BCL2L1: variants seen among roughly 807,000 people sequenced by gnomAD.
The protein encoded by BCL2L1 is BCL2 like 1, also known as bcl-2-like protein 1.
A neutral mutation model predicts 18.7 loss-of-function variants in BCL2L1; 1 was observed. That is an observed-to-expected ratio of 0.05 (90% CI 0.02 to 0.25). BCL2L1 has a LOEUF of 0.25. Among genes scored for constraint, BCL2L1 ranks in the 10% least tolerant of loss-of-function variants. The pLI, the probability that BCL2L1 is intolerant of heterozygous loss-of-function variation, is 1.00. For missense variants in BCL2L1, 207 were observed against 304.9 expected, an observed-to-expected ratio of 0.68 and a Z score of 2.39; for synonymous variants, 103 against 122.7, an observed-to-expected ratio of 0.84 and a Z score of 1.06.
intron 2 of BCL2L1, among the ~76,000 whole-genome samples, chr20:31,681,574 G>A (rs978029444): frequency 6.6e-6 from 1 of 152,216 alleles, no homozygotes; most frequent in African/African-American, 2.4e-5. Context: ...CCAGGAGGCT[G>A]AGGCTGCAGT....
chr20:31,721,459 G>C (rs1600325578), intron 2 of BCL2L1, 196 bp downstream of exon 2: 5 of 390,438 alleles, frequency 1.3e-5, no homozygotes, highest in Non-Finnish European at 2.1e-5. Context: ...AAAGATGCCT[G>C]ATCTCTGAAG....
At chr20:31,667,032 G>T (rs1465814117) in intron 2 of BCL2L1, among the ~76,000 whole-genome samples, 12 of 152,174 alleles carry the variant, frequency 7.9e-5, no homozygotes, top group Admixed American at 7.9e-4. Context: ...TGCAATGCAG[G>T]CTGTCTCTCC....
chr20:31,696,793 C>T (rs1854354525), intron 2 of BCL2L1, among the ~76,000 whole-genome samples: 1 of 152,090 alleles, frequency 6.6e-6, no homozygotes, highest in African/African-American at 2.4e-5. Flanking sequence ...TGGTGGCTCA[C>T]ACCTGTAATC....
intron 2 of BCL2L1, among the ~76,000 whole-genome samples, chr20:31,672,103 G>C (rs1017508658): frequency 1.8e-4 from 28 of 151,352 alleles, no homozygotes; most frequent in African/African-American, 5.6e-4. Context: ...GAAGCAGAGA[G>C]GATAACAAGA....
intron 2 of BCL2L1, among the ~76,000 whole-genome samples, chr20:31,700,175 T>C (rs893402491): frequency 1.3e-5 from 2 of 152,236 alleles, no homozygotes; most frequent in African/African-American, 4.8e-5. Context: ...CTTAGCATCT[T>C]CAGCATGTAG....
intron 2 of BCL2L1, among the ~76,000 whole-genome samples, chr20:31,690,793 AG>A (rs923317475): frequency 5.3e-5 from 8 of 152,178 alleles, no homozygotes; most frequent in African/African-American, 1.7e-4. Flanking sequence ...AAGTTAAAAA[AG>A]AAAAAAGGAA....
At chr20:31,712,176 T>C (rs2061463503) in intron 2 of BCL2L1, among the ~76,000 whole-genome samples, 1 of 152,146 alleles carries the variant, frequency 6.6e-6, no homozygotes, top group Admixed American at 6.5e-5. Context: ...CTAAAGGCTG[T>C]CACATAGTGA....
At chr20:31,698,900 T>TCA (rs2061233700) in intron 2 of BCL2L1, among the ~76,000 whole-genome samples, 1 of 152,108 alleles carries the variant, frequency 6.6e-6, no homozygotes, top group African/African-American at 2.4e-5. Context: ...AATAGTGTGG[T>TCA]GGCTGGTCTG....
chr20:31,687,676 C>CAA (rs60094670), intron 2 of BCL2L1, among the ~76,000 whole-genome samples: 12 of 81,446 alleles, frequency 1.5e-4, no homozygotes, highest in East Asian at 6.1e-4. Context: ...GACTCTGTCT[C>CAA]AAAAAAAAAA....
chr20:31,680,079 T>C (rs987483719), intron 2 of BCL2L1, among the ~76,000 whole-genome samples: 2 of 152,248 alleles, frequency 1.3e-5, no homozygotes, highest in African/African-American at 4.8e-5. Flanking sequence ...CAGCTAGTAT[T>C]TGCTGAACTA....
At chr20:31,723,651 G>A, upstream of BCL2L1, 1 of 985,546 alleles carries the variant, frequency 1.0e-6, no homozygotes, top group Non-Finnish European at 1.2e-6. Context: ...GCCAATCAGC[G>A]AGCCCAGCCG....
intron 2 of BCL2L1, chr20:31,720,821 G>T (rs1480527038): frequency 1.5e-5 from 15 of 985,280 alleles, no homozygotes; most frequent in African/African-American, 1.7e-5. Flanking sequence ...GAGCCCCAAA[G>T]ACTAGGTTCT....
Position 31,721,660 on chromosome 20 carries a change from C to T in BCL2L1, c.559G>A (p.Gly187Ser), listed in dbSNP as rs755052731. ...HLEPWIQENG[G>S]WDTFVELYGN... ...ACAAGGGGCTTGGTTCTTACCCAGC[C>T]GCCGTTCTCCTGGATCCAAGGCTCT... The change falls in exon 2 of 3, where the codon GGC becomes AGC. Residue 187 changes from glycine (G) to serine (S), a missense_variant. Transcript: ENST00000307677. 3.7e-6 allele frequency: 6 copies of T among 1,601,786 alleles called. No individual in the cohort carries two copies. The highest frequency in any genetic ancestry group is 4.3e-6 in the Non-Finnish European group (5 of 1,172,724).
intron 2 of BCL2L1, among the ~76,000 whole-genome samples, chr20:31,687,423 C>T (rs1418641367): frequency 6.6e-6 from 1 of 151,288 alleles, no homozygotes; most frequent in Non-Finnish European, 1.5e-5. Flanking sequence ...AGGCGTCGGC[C>T]TCCCAAAGGA....
intron 2 of BCL2L1, among the ~76,000 whole-genome samples, chr20:31,707,578 A>G (rs1004930491): frequency 2.6e-5 from 4 of 152,100 alleles, no homozygotes; most frequent in African/African-American, 9.7e-5. Flanking sequence ...CAGGAGTTCG[A>G]GACCAGCCTG....
intron 2 of BCL2L1, among the ~76,000 whole-genome samples, chr20:31,706,452 T>C (rs749142520): frequency 3.3e-5 from 5 of 152,210 alleles, no homozygotes; most frequent in Non-Finnish European, 7.3e-5. Flanking sequence ...ACATGTACCA[T>C]TAATTATTAG....
chr20:31,694,324 C>T (rs1408770294), intron 2 of BCL2L1, among the ~76,000 whole-genome samples: 3 of 146,710 alleles, frequency 2.0e-5, no homozygotes, highest in African/African-American at 7.6e-5. Flanking sequence ...GGGTCTAGGA[C>T]ACAGGATGGG....
At chr20:31,691,042 A>T (rs1410577578) in intron 2 of BCL2L1, among the ~76,000 whole-genome samples, 1 of 149,452 alleles carries the variant, frequency 6.7e-6, no homozygotes, top group Non-Finnish European at 1.5e-5. Flanking sequence ...ATCCCAGCTA[A>T]CTTGGGAGGC....
intron 2 of BCL2L1, among the ~76,000 whole-genome samples, chr20:31,702,501 G>A (rs1156944829): frequency 1.3e-5 from 2 of 151,968 alleles, no homozygotes; most frequent in Non-Finnish European, 2.9e-5. Context: ...CGTGATGGCA[G>A]GTGCCTTTAT....
Sources: gnomAD v4.1 joint callset for allele counts (sites outside exome capture counted in the v4.1 genomes callset) on GRCh38, gnomAD v4.1.1 for gene constraint, MANE v1.5 for transcripts, NCBI Gene and HGNC (gene_info 2026-07-23, HGNC 2026-07-21) for gene names.